The following RABGAP1L variants were observed in gnomAD, a reference collection of about 807,000 sequenced individuals.
RABGAP1L encodes the protein RAB GTPase activating protein 1 like.
A neutral mutation model predicts 137.7 loss-of-function variants in RABGAP1L; 63 were observed. That is an observed-to-expected ratio of 0.46 (90% CI 0.37 to 0.56). The LOEUF (loss-of-function observed/expected upper bound fraction) is 0.56, where lower values mean the gene tolerates loss of function less well. Ranked by LOEUF, RABGAP1L falls within the 20% of genes least tolerant of loss-of-function variation. The pLI is 0.00. For missense variants in RABGAP1L, 1,095 were observed against 1,244.0 expected, an observed-to-expected ratio of 0.88 and a Z score of 1.80; for synonymous variants, 431 against 433.7, an observed-to-expected ratio of 0.99 and a Z score of 0.08.
intron 1 of RABGAP1L, among the ~76,000 whole-genome samples, chr1:174,187,062 G>A (rs1046779669): frequency 2.6e-5 from 4 of 152,056 alleles, no homozygotes; most frequent in African/African-American, 7.2e-5. Flanking sequence ...TTGCCTCAGC[G>A]CCTTTCCACA....
intron 13 of RABGAP1L, among the ~76,000 whole-genome samples, chr1:174,584,860 A>G (rs987529611): frequency 1.3e-5 from 2 of 151,352 alleles, no homozygotes; most frequent in African/African-American, 2.4e-5. Flanking sequence ...AATCCCTCCT[A>G]CAGAGAGAAA....
intron 1 of RABGAP1L, 168 bp downstream of exon 1, chr1:174,159,825 C>G (rs1224156714): frequency 6.6e-6 from 1 of 152,366 alleles, no homozygotes; most frequent in African/African-American, 2.4e-5. Context: ...GGGTAGGGGG[C>G]GGGTTCAGGA....
At chr1:174,349,928 C>T (rs565850885) in intron 11 of RABGAP1L, among the ~76,000 whole-genome samples, 5 of 142,468 alleles carry the variant, frequency 3.5e-5, no homozygotes, top group South Asian at 2.3e-4. Flanking sequence ...CCCCACCTCC[C>T]TCCCGGACGG....
chr1:174,406,993 A>G (rs983382672), intron 13 of RABGAP1L, among the ~76,000 whole-genome samples: 2 of 152,238 alleles, frequency 1.3e-5, no homozygotes, highest in Admixed American at 6.5e-5. Flanking sequence ...ACATATTTCT[A>G]GAACATATTT....
intron 13 of RABGAP1L, among the ~76,000 whole-genome samples, chr1:174,441,535 G>A (rs144607835): frequency 1.0e-3 from 154 of 152,248 alleles, no homozygotes; most frequent in African/African-American, 3.5e-3. Flanking sequence ...AGGAGTTTGA[G>A]ACCAGCCTGA....
At chr1:174,383,936 C>T (rs2149050953) in intron 12 of RABGAP1L, among the ~76,000 whole-genome samples, 1 of 152,258 alleles carries the variant, frequency 6.6e-6, no homozygotes, top group East Asian at 1.9e-4. Context: ...ATTCCAGTCC[C>T]ACTGCTGTGT....
intron 11 of RABGAP1L, among the ~76,000 whole-genome samples, chr1:174,330,605 C>A (rs1289139732): frequency 6.8e-6 from 1 of 147,460 alleles, no homozygotes; most frequent in Admixed American, 6.8e-5. Context: ...AACAAACAAA[C>A]AAAACACCTA....
intron 15 of RABGAP1L, among the ~76,000 whole-genome samples, chr1:174,694,790 G>A (rs1679127481): frequency 6.6e-6 from 1 of 151,450 alleles, no homozygotes; most frequent in South Asian, 2.1e-4. Flanking sequence ...CTTCCACAAT[G>A]GTTGAACTAG....
chr1:174,697,615 G>C (rs534175226), intron 15 of RABGAP1L, among the ~76,000 whole-genome samples: 2 of 152,164 alleles, frequency 1.3e-5, no homozygotes, highest in African/African-American at 2.4e-5. Context: ...CACCGCGCCC[G>C]GCCTGGCTAC....
intron 1 of RABGAP1L, among the ~76,000 whole-genome samples, chr1:174,162,434 A>G (rs1251538203): frequency 6.6e-6 from 1 of 152,176 alleles, no homozygotes; most frequent in Admixed American, 6.6e-5. Flanking sequence ...TGTGTGGGAG[A>G]TAGCTAGGCT....
At chr1:174,538,311 C>G (rs886662297) in intron 13 of RABGAP1L, among the ~76,000 whole-genome samples, 1 of 152,130 alleles carries the variant, frequency 6.6e-6, no homozygotes, top group Non-Finnish European at 1.5e-5. Context: ...TTGTAAATCT[C>G]TTCTAAATTT....
intron 13 of RABGAP1L, among the ~76,000 whole-genome samples, chr1:174,571,070 A>G (rs1667944405): frequency 6.6e-6 from 1 of 152,206 alleles, no homozygotes; most frequent in African/African-American, 2.4e-5. Context: ...CATTTCCACA[A>G]TGGAGTACTA....
intron 19 of RABGAP1L, among the ~76,000 whole-genome samples, chr1:174,912,741 T>C (rs1272180387): frequency 6.6e-6 from 1 of 152,218 alleles, no homozygotes; most frequent in Non-Finnish European, 1.5e-5. Flanking sequence ...TTTTTAAACT[T>C]TTTAAACCCT....
chr1:174,933,339 A>G (rs1182895851), intron 19 of RABGAP1L, among the ~76,000 whole-genome samples: 3 of 151,994 alleles, frequency 2.0e-5, no homozygotes, highest in Non-Finnish European at 1.5e-5. Context: ...CCTTCCATGG[A>G]TGCCTTTCTG....
intron 20 of RABGAP1L, 193 bp downstream of exon 20, chr1:174,957,742 T>G (rs1558281709): frequency 2.3e-6 from 2 of 888,756 alleles, no homozygotes; most frequent in Admixed American, 2.2e-5. Context: ...TTTTTTTTTT[T>G]TTTTCTTAAA....
intron 14 of RABGAP1L, among the ~76,000 whole-genome samples, chr1:174,666,424 T>G (rs752951064): frequency 2.6e-5 from 4 of 152,196 alleles, no homozygotes; most frequent in Admixed American, 6.5e-5. Flanking sequence ...TCGTGACAGT[T>G]CAATATTTAC....
At chr1:174,665,448 CGCCTCGCCTT>C (rs1676722026) in intron 14 of RABGAP1L, among the ~76,000 whole-genome samples, 1 of 150,622 alleles carries the variant, frequency 6.6e-6, no homozygotes, top group Admixed American at 6.6e-5. Context: ...CGCCCCGCCC[CGCCTCGCCTT>C]GCCTCTTTCC....
At chr1:174,284,456 G>A (rs865947969) in intron 10 of RABGAP1L, among the ~76,000 whole-genome samples, 6 of 152,224 alleles carry the variant, frequency 3.9e-5, no homozygotes, top group Middle Eastern at 3.4e-3. Flanking sequence ...ATTCCATTAT[G>A]TGCAAGTATG....
chr1:174,490,698 AGCTGTCCAGGT>A (rs1456253363), intron 13 of RABGAP1L, among the ~76,000 whole-genome samples: 1 of 152,148 alleles, frequency 6.6e-6, no homozygotes, highest in Non-Finnish European at 1.5e-5. Context: ...GGTCTAGAGT[AGCTGTCCAGGT>A]GCTAGGGACT....
Sources: gnomAD v4.1 joint callset for allele counts (sites outside exome capture counted in the v4.1 genomes callset) on GRCh38, gnomAD v4.1.1 for gene constraint, MANE v1.5 for transcripts, NCBI Gene and HGNC (gene_info 2026-07-23, HGNC 2026-07-21) for gene names.